MCPH1: variants seen among roughly 807,000 people sequenced by gnomAD.
The protein encoded by MCPH1 is microcephalin.
A neutral mutation model predicts 84.5 loss-of-function variants in MCPH1; 104 were observed. The observed-to-expected ratio is 1.23, with a 90% CI of 1.05 to 1.45. The LOEUF is 1.45. Ranked by LOEUF, MCPH1 falls within the 40% of genes most tolerant of loss-of-function variation. MCPH1 has a pLI of 0.00. For missense variants in MCPH1, 1,498 were observed against 1,005.7 expected, an observed-to-expected ratio of 1.49 and a Z score of -6.62; for synonymous variants, 514 against 366.8, an observed-to-expected ratio of 1.40 and a Z score of -4.58.
intron 11 of MCPH1, among the ~76,000 whole-genome samples, chr8:6,482,274 G>A (rs546510533): frequency 1.6e-4 from 25 of 152,294 alleles, no homozygotes; most frequent in Non-Finnish European, 2.8e-4. Flanking sequence ...GTATGCTGAC[G>A]TAGCTAAAAT....
intron 11 of MCPH1, among the ~76,000 whole-genome samples, chr8:6,494,875 A>G (rs552993705): frequency 7.2e-5 from 11 of 152,212 alleles, no homozygotes; most frequent in Admixed American, 1.3e-4. Context: ...TGCACACTTT[A>G]AAATGGTTAA....
At chr8:6,520,111 G>A (rs1029874891) in intron 12 of MCPH1, 17 of 1,137,200 alleles carry the variant, frequency 1.5e-5, no homozygotes, top group Non-Finnish European at 1.8e-5. Context: ...TAAGCAAAAG[G>A]CTGTACCACT....
At chr8:6,422,853 T>A (rs1009691492) in intron 3 of MCPH1, among the ~76,000 whole-genome samples, 6 of 151,964 alleles carry the variant, frequency 3.9e-5, no homozygotes, top group Non-Finnish European at 5.9e-5. Flanking sequence ...CACGCCCGGC[T>A]AATTTTTTGT....
chr8:6,504,146 G>C (rs1334269763), intron 12 of MCPH1, among the ~76,000 whole-genome samples: 1 of 151,812 alleles, frequency 6.6e-6, no homozygotes, highest in South Asian at 2.1e-4. Context: ...GTGAAACCCC[G>C]TCTCTACTAA....
At chr8:6,424,122 G>C (rs1800689882) in intron 3 of MCPH1, among the ~76,000 whole-genome samples, 1 of 152,072 alleles carries the variant, frequency 6.6e-6, no homozygotes, top group South Asian at 2.1e-4. Flanking sequence ...GGTTCCTTCT[G>C]GGAGTGTTCA....
At chr8:6,610,142 T>C (rs994687047) in intron 12 of MCPH1, among the ~76,000 whole-genome samples, 1 of 152,196 alleles carries the variant, frequency 6.6e-6, no homozygotes, top group African/African-American at 2.4e-5. Flanking sequence ...GACATCCTCT[T>C]GTCTCCATTG....
At chr8:6,590,120 T>G (rs1828321511) in intron 12 of MCPH1, among the ~76,000 whole-genome samples, 1 of 151,964 alleles carries the variant, frequency 6.6e-6, no homozygotes, top group South Asian at 2.1e-4. Context: ...GAAGAATGAT[T>G]AGGTAAAGCA....
chr8:6,527,763 C>T (rs1818616479), intron 12 of MCPH1: 1 of 1,236,162 alleles, frequency 8.1e-7, no homozygotes, highest in East Asian at 2.6e-5. Flanking sequence ...ACCCAAGCTA[C>T]AGGAAAACAT....
At chr8:6,582,257 C>G (rs747428461) in intron 12 of MCPH1, among the ~76,000 whole-genome samples, 8 of 152,202 alleles carry the variant, frequency 5.3e-5, no homozygotes, top group South Asian at 2.1e-4. Context: ...ACACAAAGTG[C>G]TCAATAAATG....
chr8:6,409,370 G>C lies in MCPH1; in HGVS notation c.114G>C (p.Lys38Asn), dbSNP rs1424158623. ...FTTQLVDMGA[K>N]VSKTFNKQVT... ...CACAGCTTGTGGATATGGGGGCAAA[G>C]GTAAGACACTTATTTTGCTGTTGAT... Residue 38 changes from lysine (K) to asparagine (N), a missense_variant and splice_region_variant, in exon 2 of 14, where the codon AAG becomes AAC. Coordinates refer to ENST00000344683, the MANE Select transcript of MCPH1 (RefSeq NM_024596.5). 1.2e-6 allele frequency: 2 copies of C among 1,604,956 alleles called. No homozygotes were observed. The highest frequency in any genetic ancestry group is 8.5e-7 in the Non-Finnish European group (1 of 1,171,794).
At chr8:6,594,676 C>T (rs997990763) in intron 12 of MCPH1, among the ~76,000 whole-genome samples, 30 of 150,748 alleles carry the variant, frequency 2.0e-4, no homozygotes, top group Admixed American at 3.3e-4. Flanking sequence ...TCAGTGTTCT[C>T]CTGCAGGGGA....
At chr8:6,610,042 G>A (rs572280529) in intron 12 of MCPH1, among the ~76,000 whole-genome samples, 10 of 152,252 alleles carry the variant, frequency 6.6e-5, no homozygotes, top group African/African-American at 2.4e-4. Context: ...ACAACACATG[G>A]TTTTGCCTGA....
intron 12 of MCPH1, among the ~76,000 whole-genome samples, chr8:6,563,934 G>A (rs377639224): frequency 1.3e-5 from 2 of 149,012 alleles, no homozygotes; most frequent in African/African-American, 4.9e-5. Context: ...TTACAATAGA[G>A]AAATTAGAAT....
At chr8:6,431,437 G>T in intron 3 of MCPH1, 62 bp from the exon 4 acceptor site, 3 of 1,221,612 alleles carry the variant, frequency 2.5e-6, no homozygotes, top group Non-Finnish European at 3.6e-6. Context: ...TGCAGATTTA[G>T]TGCTGTGTCA....
At chr8:6,472,023 C>G (rs1231706737) in intron 9 of MCPH1, among the ~76,000 whole-genome samples, 1 of 152,064 alleles carries the variant, frequency 6.6e-6, no homozygotes, top group African/African-American at 2.4e-5. Context: ...TTATGGTGTG[C>G]AAAACAGAGT....
intron 11 of MCPH1, among the ~76,000 whole-genome samples, chr8:6,490,724 A>C (rs550669831): frequency 6.6e-6 from 1 of 152,326 alleles, no homozygotes; most frequent in Non-Finnish European, 1.5e-5. Flanking sequence ...ATTTCATAGG[A>C]AAATCTCATA....
chr8:6,577,792 C>A (rs1470606980), intron 12 of MCPH1, among the ~76,000 whole-genome samples: 2 of 152,226 alleles, frequency 1.3e-5, no homozygotes, highest in Non-Finnish European at 2.9e-5. Context: ...AAGGAATCTT[C>A]AATGACCTTG....
chr8:6,441,053 A>T (rs1287346265), intron 6 of MCPH1, among the ~76,000 whole-genome samples: 1 of 152,180 alleles, frequency 6.6e-6, no homozygotes, highest in Admixed American at 6.5e-5. Flanking sequence ...CGTCTATCCA[A>T]TATTCCTGTC....
At chr8:6,484,520 A>G (rs963888235) in intron 11 of MCPH1, among the ~76,000 whole-genome samples, 5 of 152,260 alleles carry the variant, frequency 3.3e-5, no homozygotes, top group Non-Finnish European at 7.3e-5. Context: ...CCACTCCCAG[A>G]TATTTGCCTC....
Sources: allele counts gnomAD v4.1 joint callset (sites outside exome capture counted in the v4.1 genomes callset), GRCh38; gene constraint gnomAD v4.1.1; transcripts MANE v1.5; gene names NCBI Gene and HGNC (gene_info 2026-07-23, HGNC 2026-07-21).